The following MAGI2 variants were observed in gnomAD, a reference collection of about 807,000 sequenced individuals.
The protein encoded by MAGI2 is membrane-associated guanylate kinase, WW and PDZ domain-containing protein 2.
Under a neutral mutation model 133.3 loss-of-function variants are expected in MAGI2, and 35 were observed. That is an observed-to-expected ratio of 0.26 (90% CI 0.20 to 0.35). The LOEUF is 0.35. Among genes scored for constraint, MAGI2 ranks in the 10% least tolerant of loss-of-function variants. The probability of loss-of-function intolerance (pLI) is 1.00; values close to 1 mark genes in which losing one functional copy is unlikely to be tolerated. For missense variants in MAGI2, 1,636 were observed against 1,863.4 expected (o/e 0.88, Z 2.25); for synonymous variants, 729 against 710.6 (o/e 1.03, Z -0.41).
chr7:78,687,995 A>AAAG, intron 2 of MAGI2, among the ~76,000 whole-genome samples: 1 of 131,584 alleles, frequency 7.6e-6, no homozygotes, highest in Non-Finnish European at 1.6e-5. Flanking sequence ...AAAAAAAAAA[A>AAAG]AAAAAAGAAA....
intron 1 of MAGI2, among the ~76,000 whole-genome samples, chr7:79,359,950 C>T (rs1422982551): frequency 6.6e-6 from 1 of 152,026 alleles, no homozygotes; most frequent in Non-Finnish European, 1.5e-5. Context: ...GACTGATTTT[C>T]AAAGTGTAAA....
At chr7:79,110,106 C>A (rs1305079672) in intron 1 of MAGI2, among the ~76,000 whole-genome samples, 1 of 150,570 alleles carries the variant, frequency 6.6e-6, no homozygotes, top group African/African-American at 2.4e-5. Context: ...TGTAGGAGAG[C>A]AAGAGTGAAG....
chr7:78,375,661 A>C (rs1174310424), intron 6 of MAGI2, among the ~76,000 whole-genome samples: 2 of 152,146 alleles, frequency 1.3e-5, no homozygotes, highest in Non-Finnish European at 2.9e-5. Context: ...GAACATAAAA[A>C]ATTCCCATAG....
intron 9 of MAGI2, among the ~76,000 whole-genome samples, chr7:78,286,645 G>A (rs1003409930): frequency 2.0e-5 from 3 of 152,010 alleles, no homozygotes; most frequent in African/African-American, 7.2e-5. Context: ...CTGAGGTGAA[G>A]GGCTGTGGGG....
intron 12 of MAGI2, among the ~76,000 whole-genome samples, 173 bp from the exon 13 acceptor site, chr7:78,185,843 C>T (rs890105347): frequency 6.6e-5 from 10 of 152,014 alleles, no homozygotes; most frequent in Admixed American, 1.3e-4. Flanking sequence ...CCCTGCTTTA[C>T]GTATGAGCAT....
chr7:79,256,414 C>T (rs984045385), intron 1 of MAGI2, among the ~76,000 whole-genome samples: 4 of 150,814 alleles, frequency 2.7e-5, no homozygotes, highest in African/African-American at 9.7e-5. Context: ...AGGAGTTTCT[C>T]ATATTCATTA....
intron 6 of MAGI2, among the ~76,000 whole-genome samples, chr7:78,458,728 G>A (rs1789625400): frequency 6.6e-6 from 1 of 151,304 alleles, no homozygotes; most frequent in Non-Finnish European, 1.5e-5. Context: ...TCCGCCTCCT[G>A]GGTTCATGAC....
In MAGI2 at chr7:78,922,889, C is replaced by T. The variant is rs373509350; in HGVS notation, c.418+84201G>A. ...GACTTTTTAATGATTGCCATTCTAACTGGTGTGAGATGGTATCTCATTGTG... is the reference window on the plus strand; with the variant it reads ...GACTTTTTAATGATTGCCATTCTAATTGGTGTGAGATGGTATCTCATTGTG... On this transcript the variant is annotated intron_variant, in intron 2 of 21. Transcript: ENST00000354212. Among the ~76,000 whole-genome samples, 45 of 151,546 alleles carry T rather than the reference C, an allele frequency of 3.0e-4. No homozygotes were observed. In the South Asian group the frequency reaches 5.9e-3, roughly 20 times the overall value.
chr7:78,248,624 T>G (rs993765374), intron 10 of MAGI2, among the ~76,000 whole-genome samples: 1 of 152,098 alleles, frequency 6.6e-6, no homozygotes, highest in Non-Finnish European at 1.5e-5. Flanking sequence ...TGGCTATACT[T>G]AGATAAAATA....
chr7:78,300,586 G>T (rs371819577), intron 9 of MAGI2, among the ~76,000 whole-genome samples: 3 of 152,160 alleles, frequency 2.0e-5, no homozygotes, highest in Non-Finnish European at 4.4e-5. Context: ...AATCAATACC[G>T]ATTAAAGGCA....
chr7:78,882,086 C>CAAAAA lies in MAGI2; in HGVS notation c.418+124999_418+125003dup, dbSNP rs771918590. The stretch of plus-strand genomic sequence containing the variant: ...GCTAGATTAACAACAACAACAACAA[C>CAAAAA]AAAAAAAAAAAAAAAAAAAAAAGAA... On this transcript the variant is annotated intron_variant, in intron 2 of 21. Coordinates refer to ENST00000354212, the MANE Select transcript of MAGI2 (RefSeq NM_012301.4). 6.2e-3 allele frequency among the ~76,000 whole-genome samples: 77 copies of CAAAAA among 12,464 alleles called. 2 individuals are homozygous for CAAAAA. Among genetic ancestry groups the CAAAAA allele is most frequent in the African/African-American group, 0.01 (31 of 3,000 alleles). 8.2% of individuals were successfully genotyped at this position (12,464 alleles called of 152,430 possible).
chr7:78,317,827 C>T (rs1787582661), intron 9 of MAGI2, among the ~76,000 whole-genome samples: 1 of 152,186 alleles, frequency 6.6e-6, no homozygotes, highest in African/African-American at 2.4e-5. Context: ...GTAGCCTCTG[C>T]TGGTGATACC....
chr7:79,014,679 A>G (rs960236485), intron 1 of MAGI2, among the ~76,000 whole-genome samples: 2 of 152,154 alleles, frequency 1.3e-5, no homozygotes, highest in Non-Finnish European at 2.9e-5. Context: ...AGGGAAAAGC[A>G]ATCTATTAGG....
chr7:79,188,921 T>C (rs1180724477), intron 1 of MAGI2, among the ~76,000 whole-genome samples: 1 of 151,884 alleles, frequency 6.6e-6, no homozygotes, highest in African/African-American at 2.4e-5. Context: ...CTTACTTTTC[T>C]TCCTAAATAC....
At chr7:78,333,604 C>T (rs1002055158) in intron 9 of MAGI2, among the ~76,000 whole-genome samples, 7 of 152,192 alleles carry the variant, frequency 4.6e-5, no homozygotes, top group African/African-American at 1.7e-4. Context: ...TGTGCAGGAT[C>T]CAGCCTAGGC....
chr7:79,373,103 A>G (rs1228203913), intron 1 of MAGI2, among the ~76,000 whole-genome samples: 1 of 152,096 alleles, frequency 6.6e-6, no homozygotes, highest in Non-Finnish European at 1.5e-5. Flanking sequence ...CTGAAATATT[A>G]TCATTTGGTA....
rs182176638 is a variant in MAGI2 at position 79,236,607 on chromosome 7, T to C, written c.301+216413A>G. ...AGACATTTAATGTCTTTAGACCTCA[T>C]GTCCCAAGTCTGTAAAATGAAACTA... On this transcript the variant is annotated intron_variant, in intron 1 of 21. Coordinates refer to ENST00000354212, the MANE Select transcript of MAGI2 (RefSeq NM_012301.4). 6.2e-4 allele frequency among the ~76,000 whole-genome samples: 95 copies of C among 152,370 alleles called. 1 individual carries two copies.
intron 2 of MAGI2, among the ~76,000 whole-genome samples, chr7:78,756,003 G>C (rs1429920700): frequency 6.6e-6 from 1 of 152,132 alleles, no homozygotes; most frequent in Non-Finnish European, 1.5e-5. Context: ...AATTTTAAGA[G>C]TGTCAGAAAC....
At chr7:78,319,558 A>T (rs1451767394) in intron 9 of MAGI2, among the ~76,000 whole-genome samples, 1 of 152,242 alleles carries the variant, frequency 6.6e-6, no homozygotes, top group Non-Finnish European at 1.5e-5. Context: ...AGGCAGAAAT[A>T]AAGATGTTCT....
Sources: allele counts gnomAD v4.1 joint callset (sites outside exome capture counted in the v4.1 genomes callset), GRCh38; gene constraint gnomAD v4.1.1; transcripts MANE v1.5; gene names NCBI Gene and HGNC (gene_info 2026-07-23, HGNC 2026-07-21).